Variants in CCDC93 observed in about 807,000 individuals in gnomAD.
CCDC93 encodes CCC complex scaffolding subunit CCDC93, also known as coiled-coil domain-containing protein 93.
A neutral mutation model predicts 108.2 loss-of-function variants in CCDC93; 61 were observed. That is an observed-to-expected ratio of 0.56 (90% CI 0.46 to 0.70). The LOEUF is 0.70. Among genes scored for constraint, CCDC93 ranks in the 30% least tolerant of loss-of-function variants. CCDC93 has a pLI of 0.00. For synonymous variants in CCDC93, 276 were observed against 260.4 expected, an observed-to-expected ratio of 1.06 and a Z score of -0.58; for missense variants, 685 against 764.2, an observed-to-expected ratio of 0.90 and a Z score of 1.22.
At chr2:117,996,949 T>A (rs1479855086) in intron 4 of CCDC93, 1 of 152,438 alleles carries the variant, frequency 6.6e-6, no homozygotes, top group African/African-American at 2.4e-5. Context: ...CTGACATTCA[T>A]AACATTCTCT....
At position 118,013,883 on chromosome 2, in the gene CCDC93, G is replaced by A. The variant is rs1390213287; in HGVS notation, c.42+71C>T. The A allele has an allele frequency of 1.9e-5, 27 of 1,410,584 alleles. No homozygotes were observed. In the South Asian group the frequency reaches 3.0e-4, roughly 16 times the overall value. 87.4% of individuals were successfully genotyped at this position (1,410,584 alleles called of 1,614,324 possible). On this transcript the variant is annotated intron_variant, in intron 1 of 23. Transcript: ENST00000376300. ...CCCTAACGCACCCAGGGCCCGCTCA[G>A]CCCGCCGCCCCGCGGCTCGGCCCTC...
intron 23 of CCDC93, among the ~76,000 whole-genome samples, chr2:117,924,921 T>A (rs535104762): frequency 5.4e-4 from 83 of 152,324 alleles, no homozygotes; most frequent in Non-Finnish European, 8.2e-4. Flanking sequence ...GACTAACAGC[T>A]GATCTCCTGG....
At chr2:117,961,658 C>G (rs1258252438) in intron 11 of CCDC93, among the ~76,000 whole-genome samples, 1 of 152,134 alleles carries the variant, frequency 6.6e-6, no homozygotes, top group African/African-American at 2.4e-5. Context: ...GGTCCGTAAA[C>G]CAGCAGGTCT....
intron 13 of CCDC93, among the ~76,000 whole-genome samples, chr2:117,952,007 G>A (rs368030411): frequency 3.3e-5 from 5 of 152,170 alleles, no homozygotes; most frequent in African/African-American, 1.2e-4. Context: ...GGATCTTAGA[G>A]TTACTATACA....
intron 4 of CCDC93, chr2:117,998,239 G>A (rs1680725512): frequency 6.6e-6 from 1 of 152,192 alleles, no homozygotes; most frequent in Non-Finnish European, 1.5e-5. Context: ...GAACACGGAT[G>A]ATGGGCTTCT....
chr2:117,958,475 C>T lies in CCDC93; in HGVS notation c.895G>A (p.Glu299Lys), dbSNP rs1446450248. 5.0e-6 allele frequency: 8 copies of T among 1,588,682 alleles called. No individual in the cohort carries two copies. Among genetic ancestry groups the T allele is most frequent in the Middle Eastern group, 3.3e-4 (2 of 6,042 alleles). Residue 299 changes from glutamate to lysine, a missense_variant, in exon 12 of 24, where the codon GAG (glutamate) becomes AAG (lysine). By Grantham distance (56) the Glu-to-Lys change is moderately conservative. Transcript: ENST00000376300. ...IVSEYAEKQS[E>K]LSAEESPEKL... ...TCTGGACTTTCTTCAGCTGATAGCT[C>T]AGACTGCTGTGGAAAAAAGGGATGG...
At chr2:117,923,615 G>C (rs572702246) in intron 23 of CCDC93, among the ~76,000 whole-genome samples, 3 of 152,164 alleles carry the variant, frequency 2.0e-5, no homozygotes, top group Admixed American at 6.5e-5. Context: ...CAAAGCAGCC[G>C]AGAAGCTCAA....
chr2:117,947,223 G>A (rs1678901205), intron 15 of CCDC93, among the ~76,000 whole-genome samples: 1 of 152,176 alleles, frequency 6.6e-6, no homozygotes, highest in African/African-American at 2.4e-5. Context: ...TTATTCAGCT[G>A]TCCATCTTCC....
chr2:117,956,833 C>T (rs2104753456), intron 12 of CCDC93, among the ~76,000 whole-genome samples: 1 of 151,768 alleles, frequency 6.6e-6, no homozygotes, highest in South Asian at 2.1e-4. Flanking sequence ...AGGTTAATAC[C>T]TTTTAAATAT....
chr2:117,926,474 G>A (rs28793292), intron 23 of CCDC93, among the ~76,000 whole-genome samples: 55,520 of 152,016 alleles, frequency 0.37, 10,923 homozygotes, highest in African/African-American at 0.49. Context: ...ACTACCATCA[G>A]AGAATACTAT....
rs374140343 is a variant in CCDC93 at position 118,004,581 on chromosome 2, T to C, written c.251+2141A>G. ...GTCTAAACTGCACCTAACCAGAAAC[T>C]CTATGGTGGGGGGGAACACCAAACA... On this transcript the variant is annotated intron_variant, in intron 3 of 23. Transcript: ENST00000376300. Among the ~76,000 whole-genome samples, 6 of 152,106 alleles carry C rather than the reference T, an allele frequency of 3.9e-5. No individual in the cohort carries two copies. The East Asian group carries it at 7.7e-4, about 20-fold the overall frequency.
intron 12 of CCDC93, among the ~76,000 whole-genome samples, chr2:117,953,657 C>T (rs570993388): frequency 3.5e-4 from 53 of 150,162 alleles, no homozygotes; most frequent in African/African-American, 1.1e-3. Context: ...AGGGCTCCAG[C>T]CTTGTGAATG....
intron 7 of CCDC93, among the ~76,000 whole-genome samples, chr2:117,981,934 A>T (rs1680136017): frequency 6.6e-6 from 1 of 152,148 alleles, no homozygotes. Context: ...AAAACAAAAT[A>T]GGGACATAAA....
chr2:117,987,083 C>T, intron 6 of CCDC93, among the ~76,000 whole-genome samples: 1 of 148,672 alleles, frequency 6.7e-6, no homozygotes, highest in Non-Finnish European at 1.5e-5. Context: ...AGCATACTGA[C>T]ACCAACAGCT....
At chr2:118,001,512 G>A (rs778868885) in intron 3 of CCDC93, among the ~76,000 whole-genome samples, 7 of 151,516 alleles carry the variant, frequency 4.6e-5, no homozygotes, top group Non-Finnish European at 8.8e-5. Flanking sequence ...AAATTCTAGA[G>A]TTGAAGGAAC....
chr2:117,939,069 T>A lies in CCDC93; in HGVS notation c.1565A>T (p.Tyr522Phe). The A allele has an allele frequency of 6.2e-7, 1 of 1,607,236 alleles. No homozygotes were observed. The highest frequency in any genetic ancestry group is 8.5e-7 in the Non-Finnish European group (1 of 1,174,086). The change falls in exon 20 of 24, where the codon TAT (tyrosine) becomes TTT (phenylalanine). Residue 522 changes from tyrosine (Y) to phenylalanine (F), a missense_variant. Tyr to Phe is a conservative substitution (Grantham distance 22). Coordinates refer to ENST00000376300, the MANE Select transcript of CCDC93 (RefSeq NM_019044.5). ...HKETKQFFTL[Y>F]NTLDDKKVYL... ...AACCTTTTTATCATCCAGGGTATTA[T>A]ATAAAGTGAAGAACTGCTTGGTTTC...
chr2:117,998,147 A>AACT (rs1680720912), intron 4 of CCDC93: 1 of 152,198 alleles, frequency 6.6e-6, no homozygotes, highest in Non-Finnish European at 1.5e-5. Context: ...TATGATCTAG[A>AACT]ACTACCAGGG....
chr2:117,974,072 T>C (rs1388146258), intron 10 of CCDC93, 78 bp from the exon 11 acceptor site: 3 of 891,608 alleles, frequency 3.4e-6, no homozygotes, highest in Non-Finnish European at 5.5e-6. Flanking sequence ...CACTCTATTA[T>C]GTCTGAACAC....
Position 117,935,579 on chromosome 2 carries a change from C to T in CCDC93, c.1644G>A (p.Gln548=). The T allele has an allele frequency of 1.2e-6, 2 of 1,612,518 alleles. No individual in the cohort carries two copies. The highest frequency in any genetic ancestry group is 1.7e-6 in the Non-Finnish European group (2 of 1,178,808). The change falls in exon 22 of 24, where the codon CAG becomes CAA. Residue 548 remains glutamine, a splice_region_variant and synonymous_variant. Coordinates refer to ENST00000376300, the MANE Select transcript of CCDC93 (RefSeq NM_019044.5). The stretch of plus-strand genomic sequence containing the variant: ...CCCGGGCAGCAGGGGAGGCCATGGC[C>T]CTGAAAGAAAAACCAGTAGAGTTAT... ...LLNSIHENFS[Q]AMASPAARDQ...
Sources: gnomAD v4.1 joint callset for allele counts (sites outside exome capture counted in the v4.1 genomes callset) on GRCh38, gnomAD v4.1.1 for gene constraint, MANE v1.5 for transcripts, NCBI Gene and HGNC (gene_info 2026-07-23, HGNC 2026-07-21) for gene names.